The following UPK1B variants were observed in gnomAD, a reference collection of about 807,000 sequenced individuals.
UPK1B encodes the protein uroplakin 1B, also known as uroplakin-1b.
UPK1B carries 28 observed loss-of-function variants against 34.2 expected under a neutral mutation model. The ratio of observed to expected loss-of-function variants is 0.82; its 90% CI spans 0.61 to 1.12. UPK1B has a LOEUF of 1.12. Among genes scored for constraint, UPK1B ranks in the 50% most tolerant of loss-of-function variants. The pLI is 0.00. For missense variants in UPK1B, 325 were observed against 320.9 expected (o/e 1.01, Z -0.10); for synonymous variants, 81 against 110.4 (o/e 0.73, Z 1.67).
intron 5 of UPK1B, among the ~76,000 whole-genome samples, chr3:119,193,826 T>C (rs1197249083): frequency 2.0e-5 from 3 of 152,188 alleles, no homozygotes; most frequent in Admixed American, 6.5e-5. Context: ...CAATCATAAT[T>C]AACATTTATT....
At chr3:119,199,503 T>C (rs2078082071) in intron 7 of UPK1B, among the ~76,000 whole-genome samples, 1 of 152,212 alleles carries the variant, frequency 6.6e-6, no homozygotes, top group South Asian at 2.1e-4. Flanking sequence ...CTGTCACCTA[T>C]CTAGATGGCC....
At chr3:119,189,559 G>GC (rs1218516006) in intron 3 of UPK1B, among the ~76,000 whole-genome samples, 1 of 152,254 alleles carries the variant, frequency 6.6e-6, no homozygotes, top group East Asian at 1.9e-4. Context: ...ATGTGCCCAT[G>GC]CTCACGCACA....
chr3:119,179,352 G>GATATATATATATATATATAT (rs60685268), intron 1 of UPK1B, among the ~76,000 whole-genome samples: 6 of 46,900 alleles, frequency 1.3e-4, no homozygotes, highest in Admixed American at 3.0e-4. Context: ...GAGAGAGGGA[G>GATATATATATATATATATAT]ATATATATAT....
rs748777083 is a variant in UPK1B, at chr3:119,186,813, AAG to A, written c.69+4_69+5del. The stretch of plus-strand genomic sequence containing the variant: ...TTTTTGGAAATGTGATTATTGGTGT[AAG>A]TAATGATTATTTTCCAGGAAATTCT... On this transcript the variant is annotated splice_donor_5th_base_variant and intron_variant, in intron 2 of 7. Transcript: ENST00000264234. 6.2e-7 allele frequency: 1 copy of A among 1,613,714 alleles called. No individual in the cohort carries two copies. The highest frequency in any genetic ancestry group is 1.1e-5 in the South Asian group (1 of 91,020).
chr3:119,181,495 A>C (rs2077989634), intron 1 of UPK1B, among the ~76,000 whole-genome samples: 2 of 152,176 alleles, frequency 1.3e-5, no homozygotes, highest in Admixed American at 6.5e-5. Context: ...GTTAAGTATT[A>C]CTATACTCAT....
chr3:119,194,214 G>A lies in UPK1B; in HGVS notation c.469-5G>A, dbSNP rs2078056486. ...GAGAATTTTGTATCTCTCATCTGCT[G>A]ACAGGACAATTGCTGTGGCGTAAAT... is the stretch of plus-strand genomic sequence containing the variant. On this transcript the variant is annotated splice_region_variant and splice_polypyrimidine_tract_variant and intron_variant, in intron 5 of 7. Transcript: ENST00000264234. The A allele has an allele frequency of 3.1e-6, 5 of 1,613,500 alleles. No homozygotes were observed. The highest frequency in any genetic ancestry group is 4.2e-6 in the Non-Finnish European group (5 of 1,179,726).
chr3:119,177,322 G>C (rs1044439611), intron 1 of UPK1B, among the ~76,000 whole-genome samples: 1 of 152,176 alleles, frequency 6.6e-6, no homozygotes, highest in Admixed American at 6.5e-5. Context: ...TTAAAAAGAC[G>C]TAAAGGGAAG....
intron 1 of UPK1B, among the ~76,000 whole-genome samples, chr3:119,177,643 G>A (rs1218106389): frequency 6.6e-6 from 1 of 152,236 alleles, no homozygotes; most frequent in Non-Finnish European, 1.5e-5. Flanking sequence ...TGTAGTCATT[G>A]ACTTCTAAGT....
rs71297415 is a variant in UPK1B, at chr3:119,179,507, CTT to C, written c.-29+5888_-29+5889del. On this transcript the variant is annotated intron_variant, in intron 1 of 7. Transcript: ENST00000264234. The stretch of plus-strand genomic sequence containing the variant: ...TTTGGGGAAGAGTTGATGTTGCAGT[CTT>C]TTTTTTTTTTTTTTTTTTGAGACGG... Among the ~76,000 whole-genome samples the C allele has an allele frequency of 9.6e-5, 5 of 52,254 alleles. No homozygotes were observed. In the East Asian group the frequency reaches 2.1e-3, roughly 22 times the overall value. 34.3% of individuals were successfully genotyped at this position (52,254 alleles called of 152,430 possible).
At chr3:119,178,924 T>C (rs1338675921) in intron 1 of UPK1B, among the ~76,000 whole-genome samples, 1 of 152,076 alleles carries the variant, frequency 6.6e-6, no homozygotes, top group Non-Finnish European at 1.5e-5. Flanking sequence ...ATTGGTAAAA[T>C]GGTATCAGGA....
chr3:119,194,479 A>G (rs2107435769), intron 6 of UPK1B, 81 bp downstream of exon 6: 1 of 1,299,292 alleles, frequency 7.7e-7, no homozygotes, highest in South Asian at 1.5e-5. Context: ...TGTAGGAAAT[A>G]GTCTTTCAGT....
intron 6 of UPK1B, among the ~76,000 whole-genome samples, chr3:119,196,535 CTTTTT>C (rs34406185): frequency 9.3e-6 from 1 of 107,174 alleles, no homozygotes. Context: ...TTTTCTTTTT[CTTTTT>C]TTTTTTTTTT....
At chr3:119,203,550 C>A (rs1374252335) in intron 7 of UPK1B, among the ~76,000 whole-genome samples, 1 of 151,974 alleles carries the variant, frequency 6.6e-6, no homozygotes, top group African/African-American at 2.4e-5. Flanking sequence ...AACACAGGAA[C>A]AGGAAGCCAG....
Position 119,190,290 on chromosome 3 carries a change from T to A in UPK1B, c.316T>A (p.Cys106Ser). The A allele has an allele frequency of 1.2e-6, 2 of 1,612,682 alleles. No individual in the cohort carries two copies. The highest frequency in any genetic ancestry group is 8.5e-7 in the Non-Finnish European group (1 of 1,178,986). ...AGTATATGCCTTTGAAGTGGCATCTTGTATCACAGCAGCAACACAACAAGA... is the reference window on the plus strand; with the variant it reads ...AGTATATGCCTTTGAAGTGGCATCTAGTATCACAGCAGCAACACAACAAGA... Reference protein sequence around the residue: ...FIVYAFEVASCITAATQQDFF... With the variant: ...FIVYAFEVASSITAATQQDFF... The change falls in exon 4 of 8, where the codon TGT becomes AGT. Residue 106 changes from cysteine (C) to serine (S), a missense_variant. Transcript: ENST00000264234.
chr3:119,197,955 C>G (rs1181784531), intron 6 of UPK1B, among the ~76,000 whole-genome samples: 1 of 152,136 alleles, frequency 6.6e-6, no homozygotes, highest in Non-Finnish European at 1.5e-5. Flanking sequence ...GTTGTGAGTG[C>G]AAAGGCCCTT....
At chr3:119,179,979 G>A (rs1391968042) in intron 1 of UPK1B, among the ~76,000 whole-genome samples, 1 of 151,852 alleles carries the variant, frequency 6.6e-6, no homozygotes, top group Non-Finnish European at 1.5e-5. Context: ...TGTATTTTTA[G>A]TAGAGACGAG....
intron 1 of UPK1B, among the ~76,000 whole-genome samples, chr3:119,175,027 T>TTTTTTTTTTTTTTTTTTTTTG (rs2077948594): frequency 1.5e-5 from 1 of 68,704 alleles, no homozygotes; most frequent in Non-Finnish European, 2.9e-5. Context: ...TTTTTTTTTT[T>TTTTTTTTTTTTTTTTTTTTTG]TTTTTTTTTT....
intron 2 of UPK1B, 63 bp downstream of exon 2, chr3:119,186,873 A>C: frequency 6.4e-7 from 1 of 1,556,414 alleles, no homozygotes; most frequent in Non-Finnish European, 8.8e-7. Flanking sequence ...TAGATGAATC[A>C]AAAGTAAGAG....
intron 3 of UPK1B, among the ~76,000 whole-genome samples, chr3:119,189,957 C>G (rs2078036668): frequency 6.6e-6 from 1 of 152,214 alleles, no homozygotes; most frequent in Non-Finnish European, 1.5e-5. Context: ...CACATACACA[C>G]CAGTTCATTC....
Sources: allele counts gnomAD v4.1 joint callset (sites outside exome capture counted in the v4.1 genomes callset), GRCh38; gene constraint gnomAD v4.1.1; transcripts MANE v1.5; gene names NCBI Gene and HGNC (gene_info 2026-07-23, HGNC 2026-07-21).